Variants in WWOX observed in about 807,000 individuals in gnomAD.
WWOX encodes the protein WW domain-containing oxidoreductase.
Under a neutral mutation model 46.2 loss-of-function variants are expected in WWOX, and 69 were observed. That is an observed-to-expected ratio of 1.49 (90% CI 1.23 to 1.82). WWOX has a LOEUF of 1.82. WWOX is among the 40% of genes most tolerant of loss of function. WWOX has a pLI of 0.00. For missense variants in WWOX, 919 were observed against 542.6 expected (o/e 1.69, Z -6.89); for synonymous variants, 359 against 202.6 (o/e 1.77, Z -6.56).
intron 8 of WWOX, among the ~76,000 whole-genome samples, chr16:78,596,620 A>C (rs55637758): frequency 0.026 from 3,945 of 152,298 alleles, 80 homozygotes; most frequent in Non-Finnish European, 0.041. Context: ...GACCTATGGA[A>C]CATGCTGATT....
rs143274117 is a variant in WWOX, at chr16:78,791,951, G to C, written c.1056+359199G>C. 5.3e-5 allele frequency among the ~76,000 whole-genome samples: 8 copies of C among 152,174 alleles called. No individual in the cohort carries two copies. In the East Asian group the frequency reaches 7.7e-4, roughly 15 times the overall value. On this transcript the variant is annotated intron_variant, in intron 8 of 8. Transcript: ENST00000566780. ...CATAGAAGAGGCCTTCTCTTCACAA[G>C]TTTTTCTTATTGTTTTTTGTTTTTT...
At chr16:78,751,595 C>T (rs1179565621) in intron 8 of WWOX, among the ~76,000 whole-genome samples, 3 of 151,132 alleles carry the variant, frequency 2.0e-5, no homozygotes, top group African/African-American at 7.3e-5. Flanking sequence ...AAACATTCTT[C>T]CATCAGTCAT....
intron 6 of WWOX, among the ~76,000 whole-genome samples, chr16:78,418,088 C>T (rs1370988492): frequency 2.0e-5 from 3 of 152,132 alleles, no homozygotes; most frequent in Non-Finnish European, 4.4e-5. Flanking sequence ...TGGCCGGGAA[C>T]GGTGGCTCAC....
chr16:78,728,035 C>G (rs902367758), intron 8 of WWOX, among the ~76,000 whole-genome samples: 12 of 142,250 alleles, frequency 8.4e-5, no homozygotes, highest in Non-Finnish European at 1.5e-4. Context: ...CTCCCTTCCT[C>G]TTTCCTCTCT....
At chr16:78,133,294 A>C (rs1020117668) in intron 4 of WWOX, among the ~76,000 whole-genome samples, 5 of 152,182 alleles carry the variant, frequency 3.3e-5, no homozygotes, top group African/African-American at 1.2e-4. Context: ...GGAGTCTTGC[A>C]CTGTCACCCA....
At chr16:79,057,837 A>G (rs926143921) in intron 8 of WWOX, among the ~76,000 whole-genome samples, 20 of 152,124 alleles carry the variant, frequency 1.3e-4, no homozygotes, top group Non-Finnish European at 2.6e-4. Flanking sequence ...CTGAGACTCC[A>G]TTTACTCACC....
At chr16:78,661,052 T>C (rs1406838969) in intron 8 of WWOX, among the ~76,000 whole-genome samples, 1 of 152,188 alleles carries the variant, frequency 6.6e-6, no homozygotes, top group East Asian at 1.9e-4. Context: ...CCTGCATGTA[T>C]ATTTGGTCTG....
intron 8 of WWOX, among the ~76,000 whole-genome samples, chr16:78,795,317 G>A (rs530511497): frequency 2.4e-4 from 37 of 152,232 alleles, no homozygotes; most frequent in African/African-American, 7.9e-4. Context: ...TAGATTTTAA[G>A]TCCAGGCAGT....
chr16:78,270,160 G>T (rs1373591675), intron 5 of WWOX: 1 of 152,072 alleles, frequency 6.6e-6, no homozygotes, highest in East Asian at 1.9e-4. Flanking sequence ...AAAGACCCCT[G>T]TGATTAAGGT....
chr16:78,174,961 C>A (rs1288836629), intron 5 of WWOX, among the ~76,000 whole-genome samples: 2 of 151,028 alleles, frequency 1.3e-5, no homozygotes, highest in Admixed American at 6.6e-5. Context: ...GCACTCCAAT[C>A]TGGGTGACAG....
chr16:78,992,084 A>C (rs11644811), intron 8 of WWOX, among the ~76,000 whole-genome samples: 149,681 of 152,212 alleles, frequency 0.98, 73,665 homozygotes, highest in East Asian at 1. Context: ...TGGAATCTAC[A>C]CACCTGTGAT....
chr16:78,546,509 C>G (rs981028659), intron 8 of WWOX, among the ~76,000 whole-genome samples: 1 of 152,304 alleles, frequency 6.6e-6, no homozygotes, highest in East Asian at 1.9e-4. Context: ...TTGCAATTAC[C>G]TTGCCCAAGA....
At chr16:78,630,881 CCT>C (rs869121507) in intron 8 of WWOX, among the ~76,000 whole-genome samples, 4 of 147,392 alleles carry the variant, frequency 2.7e-5, no homozygotes, top group Non-Finnish European at 4.7e-5. Context: ...AGTCAGCCCC[CCT>C]CTCTCTGGGT....
intron 8 of WWOX, among the ~76,000 whole-genome samples, chr16:78,907,253 A>G (rs1010280181): frequency 2.0e-5 from 3 of 152,278 alleles, no homozygotes; most frequent in Admixed American, 6.5e-5. Flanking sequence ...GCACAGGACC[A>G]GTTGAATGGG....
intron 8 of WWOX, among the ~76,000 whole-genome samples, chr16:78,879,227 G>A (rs1166866117): frequency 3.9e-5 from 6 of 152,182 alleles, no homozygotes; most frequent in Non-Finnish European, 8.8e-5. Flanking sequence ...AAAAAGAGCT[G>A]GTTGGGCATG....
At chr16:78,998,836 G>T (rs1270305944) in intron 8 of WWOX, among the ~76,000 whole-genome samples, 1 of 152,178 alleles carries the variant, frequency 6.6e-6, no homozygotes, top group Non-Finnish European at 1.5e-5. Flanking sequence ...TCATGTCAGG[G>T]TCTCTGAAAT....
intron 5 of WWOX, among the ~76,000 whole-genome samples, chr16:78,288,966 G>A (rs2079815419): frequency 6.6e-6 from 1 of 152,154 alleles, no homozygotes; most frequent in Non-Finnish European, 1.5e-5. Context: ...ATTGTTGAGT[G>A]TTGCCAAGCA....
intron 8 of WWOX, among the ~76,000 whole-genome samples, chr16:78,533,149 G>A (rs963452987): frequency 3.3e-4 from 50 of 151,830 alleles, no homozygotes; most frequent in Admixed American, 2.9e-3. Flanking sequence ...ACCAAAGGTT[G>A]GAGCTCAAGG....
intron 8 of WWOX, among the ~76,000 whole-genome samples, chr16:78,742,781 A>G (rs1214868193): frequency 6.6e-6 from 1 of 152,104 alleles, no homozygotes; most frequent in Non-Finnish European, 1.5e-5. Context: ...ACTCTTTTGT[A>G]TCTGATGTTC....
Sources: gnomAD v4.1 joint callset for allele counts (sites outside exome capture counted in the v4.1 genomes callset) on GRCh38, gnomAD v4.1.1 for gene constraint, MANE v1.5 for transcripts, NCBI Gene and HGNC (gene_info 2026-07-23, HGNC 2026-07-21) for gene names.